Variants in SYNE2 observed in about 807,000 individuals in gnomAD.
SYNE2 encodes nesprin-2.
SYNE2 carries 431 observed loss-of-function variants against 856.3 expected under a neutral mutation model. That is an observed-to-expected ratio of 0.50 (90% confidence interval 0.47 to 0.55). The LOEUF is 0.55. Among genes scored for constraint, SYNE2 ranks in the 20% least tolerant of loss-of-function variants. The probability of loss-of-function intolerance (pLI) is 0.00; values close to 1 mark genes in which losing one functional copy is unlikely to be tolerated. For synonymous variants in SYNE2, 2,923 were observed against 2,872.3 expected (o/e 1.02, Z -0.56); for missense variants, 8,129 against 8,023.2 (o/e 1.01, Z -0.50).
intron 1 of SYNE2, among the ~76,000 whole-genome samples, chr14:63,782,878 TTTTG>T (rs1887367471): frequency 6.6e-6 from 1 of 152,008 alleles, no homozygotes; most frequent in Admixed American, 6.6e-5. Context: ...AATAATTAAA[TTTTG>T]TTTAATTAAT....
chr14:63,999,112 T>C (rs755104772), intron 27 of SYNE2, 72 bp downstream of exon 27: 25 of 1,461,008 alleles, frequency 1.7e-5, no homozygotes, highest in Middle Eastern at 4.5e-4. Context: ...AGTCTGGACA[T>C]CCCCTTTTCT....
At chr14:63,786,525 C>A (rs1370994955) in intron 1 of SYNE2, among the ~76,000 whole-genome samples, 1 of 152,206 alleles carries the variant, frequency 6.6e-6, no homozygotes, top group Non-Finnish European at 1.5e-5. Flanking sequence ...ACTGCCATGT[C>A]TTTAAACAAC....
intron 19 of SYNE2, among the ~76,000 whole-genome samples, chr14:63,988,307 G>A (rs2096641055): frequency 6.6e-6 from 1 of 152,146 alleles, no homozygotes. Context: ...TGAACTCCTG[G>A]GCTCAAGTGA....
intron 83 of SYNE2, among the ~76,000 whole-genome samples, chr14:64,144,159 G>A (rs2098163083): frequency 1.3e-5 from 2 of 152,178 alleles, no homozygotes; most frequent in East Asian, 3.8e-4. Flanking sequence ...ATTTCTTAGT[G>A]GGAAATTGAG....
intron 45 of SYNE2, among the ~76,000 whole-genome samples, chr14:64,045,076 T>C (rs1360977842): frequency 1.3e-5 from 2 of 152,122 alleles, no homozygotes; most frequent in Non-Finnish European, 2.9e-5. Flanking sequence ...TCCAGGAGCT[T>C]ATCAGGACCT....
At chr14:64,047,083 C>G (rs1415587551) in intron 45 of SYNE2, among the ~76,000 whole-genome samples, 1 of 152,162 alleles carries the variant, frequency 6.6e-6, no homozygotes, top group Non-Finnish European at 1.5e-5. Flanking sequence ...GTCCCAAGCT[C>G]TTGTCCAGCA....
At chr14:63,974,888 GTGTGTA>G (rs1566949859) in intron 11 of SYNE2, among the ~76,000 whole-genome samples, 3 of 26,462 alleles carry the variant, frequency 1.1e-4, no homozygotes, top group South Asian at 2.5e-3. Flanking sequence ...GTGTGTGTGT[GTGTGTA>G]TATATATATA....
In SYNE2 at chr14:63,909,154, A is replaced by G. The variant is rs368225478; in HGVS notation, c.6A>G (p.Ala2=). The G allele has an allele frequency of 6.8e-6, 11 of 1,610,558 alleles. No individual in the cohort carries two copies. Among genetic ancestry groups the G allele is most frequent in the Non-Finnish European group, 8.5e-6 (10 of 1,177,094 alleles). ...AATCTCCATTGAGTCAAAGAATGGC[A>G]TCTAGTCCTGAGCTTCCCACCGAAG... M[A]SSPELPTEDE... is the part of the protein sequence containing the mutation. The change falls in exon 2 of 116, where the codon GCA becomes GCG. Residue 2 remains alanine (A), a synonymous_variant. Transcript: ENST00000555002.
chr14:63,913,466 C>CTTTCTTTCTTT (rs551498099), intron 2 of SYNE2, among the ~76,000 whole-genome samples: 2 of 139,600 alleles, frequency 1.4e-5, no homozygotes, highest in Admixed American at 7.2e-5. Flanking sequence ...TTCTTTCTTT[C>CTTTCTTTCTTT]TTTTTTTTTT....
chr14:64,146,247 C>A, intron 84 of SYNE2, 24 bp downstream of exon 84: 3 of 1,589,670 alleles, frequency 1.9e-6, no homozygotes, highest in Non-Finnish European at 2.6e-6. Context: ...CAGCATCCCA[C>A]CCAACCCGCG....
At chr14:64,128,361 G>A in intron 73 of SYNE2, 91 bp from the exon 74 acceptor site, 3 of 718,652 alleles carry the variant, frequency 4.2e-6, no homozygotes, top group South Asian at 3.2e-5. Flanking sequence ...GAAATTTCTA[G>A]TGTCACAAAA....
intron 45 of SYNE2, among the ~76,000 whole-genome samples, chr14:64,037,285 G>A (rs920467237): frequency 7.9e-5 from 12 of 151,794 alleles, no homozygotes; most frequent in Admixed American, 7.9e-4. Flanking sequence ...GCGGCCTTCC[G>A]CAGTGTTTGT....
Position 64,080,476 on chromosome 14 carries a change from T to G in SYNE2, c.11184T>G (p.Asp3728Glu), listed in dbSNP as rs764159791. 7 of 1,614,064 alleles carry G rather than the reference T, an allele frequency of 4.3e-6. No individual in the cohort carries two copies. The highest frequency in any genetic ancestry group is 5.1e-6 in the Non-Finnish European group (6 of 1,180,036). ...EIQKKMWDEL[D>E]LWHSKLNELD... ...TCCAGAAAATGTGGGACGAGTTAGATCTATGGCATTCCAAACTAAATGAGC... is the reference window on the plus strand; with the variant it reads ...TCCAGAAAATGTGGGACGAGTTAGAGCTATGGCATTCCAAACTAAATGAGC... The change falls in exon 56 of 116, where the codon GAT becomes GAG. Residue 3728 changes from aspartate (D) to glutamate (E), a missense_variant. Asp to Glu is a conservative substitution (Grantham distance 45). Around this residue, in one of 3 missense-constraint regions of SYNE2, gnomAD observed 5,410 missense variants for 5,284.8 expected, o/e 1.02. Transcript: ENST00000555002.
chr14:64,185,091 T>C lies in SYNE2; in HGVS notation c.17557-1333T>C, dbSNP rs117177442. Among the ~76,000 whole-genome samples the C allele has an allele frequency of 8.5e-5, 13 of 152,304 alleles. No individual in the cohort carries two copies. In the East Asian group the frequency reaches 2.5e-3, roughly 29 times the overall value. On this transcript the variant is annotated intron_variant, in intron 96 of 115. Coordinates refer to ENST00000555002, the MANE Select transcript of SYNE2 (RefSeq NM_182914.3). ...GGCAAAATGGTGAGACTTCCATCTC[T>C]ACAAAAAGATATAAAAATTAGCCAG...
intron 100 of SYNE2, among the ~76,000 whole-genome samples, chr14:64,206,639 T>G (rs1324471407): frequency 6.6e-6 from 1 of 152,076 alleles, no homozygotes; most frequent in East Asian, 1.9e-4. Flanking sequence ...CCATTTACCC[T>G]AAATATTAAT....
intron 103 of SYNE2, among the ~76,000 whole-genome samples, chr14:64,211,556 C>T (rs569860873): frequency 6.6e-6 from 1 of 152,344 alleles, no homozygotes; most frequent in South Asian, 2.1e-4. Flanking sequence ...CAAGCAAAAG[C>T]TGCAGAAGGC....
chr14:63,967,812 A>G lies in SYNE2; in HGVS notation c.1094A>G (p.Gln365Arg). The part of the protein sequence containing the change: ...DLDELDKDHL[Q>R]LREAWDGLDH... The stretch of plus-strand genomic sequence containing the variant: ...GATGAGCTGGACAAGGATCATTTAC[A>G]GTTGAGAGAAGCCTGGGATGGCCTC... The change falls in exon 11 of 116, where the codon CAG (glutamine) becomes CGG (arginine). Residue 365 changes from glutamine (Q) to arginine (R), a missense_variant. Transcript: ENST00000555002. The G allele has an allele frequency of 1.2e-6, 2 of 1,614,148 alleles. No homozygotes were observed. The highest frequency in any genetic ancestry group is 1.7e-6 in the Non-Finnish European group (2 of 1,179,972).
At chr14:64,068,212 A>C (rs991469359) in intron 51 of SYNE2, among the ~76,000 whole-genome samples, 4 of 152,178 alleles carry the variant, frequency 2.6e-5, no homozygotes, top group African/African-American at 9.7e-5. Context: ...ACACGGTCAC[A>C]TGATCACCAG....
At chr14:63,793,239 G>T (rs1463104170) in intron 1 of SYNE2, among the ~76,000 whole-genome samples, 4 of 152,100 alleles carry the variant, frequency 2.6e-5, no homozygotes, top group African/African-American at 9.7e-5. Flanking sequence ...ATGTCTTAAG[G>T]TATGGAAAAA....
Sources: gnomAD v4.1 joint callset for allele counts (sites outside exome capture counted in the v4.1 genomes callset) on GRCh38, gnomAD v4.1.1 for gene constraint, gnomAD v4.1.1 regional missense constraint, MANE v1.5 for transcripts, NCBI Gene and HGNC (gene_info 2026-07-23, HGNC 2026-07-21) for gene names.